The following UBXN8 variants were observed in gnomAD, a reference collection of about 807,000 sequenced individuals.
UBXN8 encodes the protein UBX domain protein 8.
A neutral mutation model predicts 32.1 loss-of-function variants in UBXN8; 27 were observed. That is an observed-to-expected ratio of 0.84 (90% CI 0.62 to 1.16). The LOEUF (loss-of-function observed/expected upper bound fraction) is 1.16. Ranked by LOEUF, UBXN8 falls within the 50% of genes most tolerant of loss-of-function variation. UBXN8 has a pLI of 0.00. For synonymous variants in UBXN8, 109 were observed against 111.8 expected (o/e 0.98, Z 0.16); for missense variants, 306 against 311.4 (o/e 0.98, Z 0.13).
At chr8:30,764,980 G>C (rs1311006002) in intron 7 of UBXN8, among the ~76,000 whole-genome samples, 1 of 152,194 alleles carries the variant, frequency 6.6e-6, no homozygotes, top group Non-Finnish European at 1.5e-5. Context: ...AACCCAGGAG[G>C]CAGAGGTTGC....
At chr8:30,743,178 A>G (rs1443509804), upstream of UBXN8, among the ~76,000 whole-genome samples, 1 of 107,110 alleles carries the variant, frequency 9.3e-6, no homozygotes, top group Non-Finnish European at 1.9e-5. Context: ...TTTTTTTGAG[A>G]CGGGGTCTCA....
At position 30,763,253 on chromosome 8, in the gene UBXN8, T is replaced by C. The variant is rs749969003; in HGVS notation, c.571-20T>C. On this transcript the variant is annotated intron_variant, in intron 6 of 7. Coordinates refer to ENST00000265616, the MANE Select transcript of UBXN8 (RefSeq NM_005671.4). The stretch of plus-strand genomic sequence containing the variant: ...AAAGAGCAATGGATCGGAGTTCTTA[T>C]GTGAATATTTCTTCCTTAGGTAGTT... 27 of 1,612,010 alleles carry C rather than the reference T, an allele frequency of 1.7e-5. No individual in the cohort carries two copies. The highest frequency in any genetic ancestry group is 5.3e-5 in the African/African-American group (4 of 74,920).
intron 1 of UBXN8, among the ~76,000 whole-genome samples, chr8:30,750,518 A>G (rs1805491559): frequency 6.6e-6 from 1 of 152,012 alleles, no homozygotes; most frequent in Admixed American, 6.6e-5. Context: ...CACGCTTGTA[A>G]TCCCAGAACT....
chr8:30,744,306 CA>C (rs1375209775), intron 1 of UBXN8, 29 bp downstream of exon 1: 2 of 1,598,344 alleles, frequency 1.3e-6, no homozygotes, highest in Admixed American at 1.7e-5. Flanking sequence ...CTTCGACAGT[CA>C]CAGCTGGGTA....
chr8:30,734,995 A>T (rs1563554197), intron 1 of UBXN8, among the ~76,000 whole-genome samples: 1 of 152,208 alleles, frequency 6.6e-6, no homozygotes, highest in Non-Finnish European at 1.5e-5. Flanking sequence ...ACATTATGAA[A>T]TATTTCTCAA....
upstream of UBXN8, among the ~76,000 whole-genome samples, chr8:30,731,625 C>T (rs989645069): frequency 2.6e-5 from 4 of 151,904 alleles, no homozygotes; most frequent in South Asian, 4.2e-4. Flanking sequence ...TTAACTGAGC[C>T]GGGCCAAGAG....
chr8:30,750,837 T>G (rs1305451429), intron 1 of UBXN8, among the ~76,000 whole-genome samples: 3 of 150,638 alleles, frequency 2.0e-5, no homozygotes, highest in Non-Finnish European at 2.9e-5. Context: ...AAAGAAAATA[T>G]TCAGGAAAAA....
chr8:30,755,598 A>T (rs1805636037), intron 4 of UBXN8, among the ~76,000 whole-genome samples: 1 of 151,738 alleles, frequency 6.6e-6, no homozygotes, highest in Non-Finnish European at 1.5e-5. Flanking sequence ...ACAAAAAAAA[A>T]ATTAAAAATT....
chr8:30,760,420 C>CATATATAT lies in UBXN8; in HGVS notation c.529-451_529-444dup, dbSNP rs1307823939. Among the ~76,000 whole-genome samples, 37 of 85,582 alleles carry CATATATAT rather than the reference C, an allele frequency of 4.3e-4. 1 individual carries two copies. The highest frequency in any genetic ancestry group is 1.5e-3 in the East Asian group (4 of 2,696). The allele number at this position is 85,582 out of a possible 152,430, so 56.1% of individuals were successfully genotyped here. On this transcript the variant is annotated intron_variant, in intron 5 of 7. Transcript: ENST00000265616. The stretch of plus-strand genomic sequence containing the variant: ...ATGTATGTGTATATGCATACACAAT[C>CATATATAT]ATATATATATATATATATATATATT...
chr8:30,760,433 A>ATTTT (rs1298431012), intron 5 of UBXN8, among the ~76,000 whole-genome samples: 3 of 39,600 alleles, frequency 7.6e-5, no homozygotes, highest in African/African-American at 4.0e-4. Flanking sequence ...ATATATATAT[A>ATTTT]TATATATATA....
chr8:30,742,197 T>C (rs558034569), upstream of UBXN8, among the ~76,000 whole-genome samples: 12 of 152,342 alleles, frequency 7.9e-5, no homozygotes, highest in East Asian at 2.3e-3. Flanking sequence ...TTTTATGGTA[T>C]GTCATGCTGT....
intron 1 of UBXN8, among the ~76,000 whole-genome samples, chr8:30,735,796 A>C (rs11986072): frequency 6.6e-6 from 1 of 151,898 alleles, no homozygotes. Flanking sequence ...CTGAGATCAC[A>C]CTACCGCACC....
In UBXN8 at chr8:30,753,032, T is replaced by TAGA. The variant is rs1303575365; in HGVS notation, c.220_222dup. On this transcript the variant is annotated splice_polypyrimidine_tract_variant and splice_region_variant and intron_variant, in intron 2 of 7. Coordinates refer to ENST00000265616, the MANE Select transcript of UBXN8 (RefSeq NM_005671.4). The stretch of plus-strand genomic sequence containing the variant: ...AAAGCACTTTTATGTTTTGATGTCT[T>TAGA]AGAAGAAGAAGAAAAGAATGAGAAA... 1.3e-6 allele frequency: 2 copies of TAGA among 1,518,358 alleles called. No homozygotes were observed. Among genetic ancestry groups the TAGA allele is most frequent in the Admixed American group, 2.3e-5 (1 of 43,074 alleles). 94.1% of individuals were successfully genotyped at this position (1,518,358 alleles called of 1,614,324 possible).
intron 7 of UBXN8, among the ~76,000 whole-genome samples, chr8:30,764,351 G>T (rs1392732562): frequency 6.6e-6 from 1 of 152,168 alleles, no homozygotes; most frequent in African/African-American, 2.4e-5. Flanking sequence ...TTTATTTTTA[G>T]TAGAAATGGG....
chr8:30,762,333 C>T lies in UBXN8; in HGVS notation c.571-940C>T, dbSNP rs1805854830. ...TCAAGTGATCCTCTCACCTTGGCCT[C>T]CCCAAGTGGTGGGATTATAGGTGTG... On this transcript the variant is annotated intron_variant, in intron 6 of 7. Transcript: ENST00000265616. Among the ~76,000 whole-genome samples, 3 of 152,068 alleles carry T rather than the reference C, an allele frequency of 2.0e-5. No homozygotes were observed. In the South Asian group the frequency reaches 6.2e-4, roughly 31 times the overall value.
chr8:30,748,448 G>C (rs982376499), intron 1 of UBXN8, among the ~76,000 whole-genome samples: 6 of 149,484 alleles, frequency 4.0e-5, no homozygotes, highest in Non-Finnish European at 7.4e-5. Flanking sequence ...CTGGGCAAGA[G>C]AGTGAGAGGC....
rs762865942 is a variant in UBXN8 at position 30,766,535 on chromosome 8, A to T, written c.*141A>T. 135 of 845,234 alleles carry T rather than the reference A, an allele frequency of 1.6e-4. No individual in the cohort carries two copies. Among genetic ancestry groups the T allele is most frequent in the Non-Finnish European group, 2.2e-4 (128 of 590,502 alleles). The allele number at this position is 845,234 out of a possible 1,614,324, so 52.4% of individuals were successfully genotyped here. On this transcript the variant is annotated 3_prime_UTR_variant, in exon 8 of 8. Transcript: ENST00000265616. ...TTTGAACATTGATATCCATGGGAAT[A>T]GGATTAGAAAAGGATTGCTTTCTAT... is the stretch of plus-strand genomic sequence containing the variant.
intron 7 of UBXN8, among the ~76,000 whole-genome samples, chr8:30,763,809 G>A (rs961134004): frequency 2.0e-5 from 3 of 152,106 alleles, no homozygotes; most frequent in African/African-American, 7.2e-5. Flanking sequence ...TGGCCAACAT[G>A]GTTAAACCCC....
intron 1 of UBXN8, among the ~76,000 whole-genome samples, chr8:30,748,357 T>C (rs1805422300): frequency 2.0e-5 from 3 of 151,806 alleles, no homozygotes; most frequent in East Asian, 1.9e-4. Flanking sequence ...TCCCAGCTAC[T>C]TGGGAGGCTG....
Sources: allele counts gnomAD v4.1 joint callset (sites outside exome capture counted in the v4.1 genomes callset), GRCh38; gene constraint gnomAD v4.1.1; transcripts MANE v1.5; gene names NCBI Gene and HGNC (gene_info 2026-07-23, HGNC 2026-07-21).